The following GRAMD1B variants were observed in gnomAD, a reference collection of about 807,000 sequenced individuals.
GRAMD1B encodes the protein protein Aster-B.
Under a neutral mutation model 99.7 loss-of-function variants are expected in GRAMD1B, and 37 were observed. The ratio of observed to expected loss-of-function variants is 0.37; its 90% CI spans 0.29 to 0.49. The LOEUF is 0.49. Among genes scored for constraint, GRAMD1B ranks in the 20% least tolerant of loss-of-function variants. GRAMD1B has a pLI of 0.98. For synonymous variants in GRAMD1B, 427 were observed against 387.6 expected, an observed-to-expected ratio of 1.10 and a Z score of -1.19; for missense variants, 888 against 1,009.2, an observed-to-expected ratio of 0.88 and a Z score of 1.63.
At chr11:123,548,324 A>ACG (rs1945254805) in intron 2 of GRAMD1B, among the ~76,000 whole-genome samples, 1 of 108,716 alleles carries the variant, frequency 9.2e-6, no homozygotes, top group African/African-American at 4.8e-5. Context: ...ATATATATAT[A>ACG]TACACACACA....
Position 123,610,450 on chromosome 11 carries a change from C to T in GRAMD1B, c.1919+112C>T. ...TGGGGAGTGCTTGGCTGCTGACTCT[C>T]TTTATTCTACTTTCTCTCCGAAGCC... On this transcript the variant is annotated intron_variant, in intron 14 of 19. Transcript: ENST00000635736. The surrounding 1 kb of genome is among the most constrained non-coding windows in gnomAD (Gnocchi z 4.1). 2 of 989,490 alleles carry T rather than the reference C, an allele frequency of 2.0e-6. No homozygotes were observed. The highest frequency in any genetic ancestry group is 3.1e-6 in the Non-Finnish European group (2 of 640,012). The allele number at this position is 989,490 out of a possible 1,614,324, so 61.3% of individuals were successfully genotyped here. A position where few individuals can be genotyped will look rare whatever the true frequency, so the allele number is the denominator to read the frequency against.
chr11:123,447,989 T>G (rs534767776), intron 1 of GRAMD1B, among the ~76,000 whole-genome samples: 17 of 152,260 alleles, frequency 1.1e-4, no homozygotes, highest in South Asian at 2.1e-4. Flanking sequence ...AGTGTTGGCC[T>G]GCTTAAGATT....
chr11:123,587,970 C>T lies in GRAMD1B; in HGVS notation c.684+3638C>T, dbSNP rs1263752709. Among the ~76,000 whole-genome samples the T allele has an allele frequency of 6.6e-6, 1 of 152,036 alleles. No homozygotes were observed. The highest frequency in any genetic ancestry group is 1.5e-5 in the Non-Finnish European group (1 of 68,012). On this transcript the variant is annotated intron_variant, in intron 4 of 19. Transcript: ENST00000635736. This position sits in a 1 kb window ranked among gnomAD's most constrained non-coding sequence, Gnocchi z 4.2. The stretch of plus-strand genomic sequence containing the variant: ...CTTGAAGGGTCTTCCTGCCTCCCTT[C>T]CTGAGTTTTTCAGATGAGCCCCCAG...
At chr11:123,444,093 G>A (rs1949532267) in intron 1 of GRAMD1B, among the ~76,000 whole-genome samples, 1 of 152,312 alleles carries the variant, frequency 6.6e-6, no homozygotes, top group East Asian at 1.9e-4. Context: ...TAGACTTTCA[G>A]TTAATCTCTT....
chr11:123,608,539 C>T lies in GRAMD1B; in HGVS notation c.1514-120C>T, dbSNP rs751139979. On this transcript the variant is annotated intron_variant, in intron 11 of 19. Transcript: ENST00000635736. ...TCAGCTGTCCTGCTCCGTGTCCTCT[C>T]CATACCCTTGTTGACTGTGCTCATA... 14 of 1,544,606 alleles carry T rather than the reference C, an allele frequency of 9.1e-6. No homozygotes were observed. The African/African-American group carries it at 1.9e-4, about 21-fold the overall frequency.
intron 1 of GRAMD1B, among the ~76,000 whole-genome samples, chr11:123,394,209 T>C (rs1378890142): frequency 6.6e-6 from 1 of 152,228 alleles, no homozygotes; most frequent in East Asian, 1.9e-4. Flanking sequence ...GGTCATTCTT[T>C]TGCCTGCTAT....
At chr11:123,373,750 A>C (rs1189852767) in intron 1 of GRAMD1B, among the ~76,000 whole-genome samples, 1 of 152,152 alleles carries the variant, frequency 6.6e-6, no homozygotes, top group Non-Finnish European at 1.5e-5. Flanking sequence ...AGAAAGTGTC[A>C]CCCCTCTGCC....
chr11:123,517,268 A>G (rs2135389054), intron 2 of GRAMD1B, among the ~76,000 whole-genome samples: 1 of 152,352 alleles, frequency 6.6e-6, no homozygotes, highest in Non-Finnish European at 1.5e-5. Context: ...GACCTAACAG[A>G]AAGAGCACAA....
chr11:123,579,923 G>A (rs1949157965), intron 3 of GRAMD1B, among the ~76,000 whole-genome samples: 1 of 152,166 alleles, frequency 6.6e-6, no homozygotes, highest in African/African-American at 2.4e-5. Context: ...GGGCCAAACT[G>A]GGCCTTTTCA....
At chr11:123,514,182 G>T (rs1224219319) in intron 2 of GRAMD1B, among the ~76,000 whole-genome samples, 1 of 152,192 alleles carries the variant, frequency 6.6e-6, no homozygotes, top group Non-Finnish European at 1.5e-5. Flanking sequence ...CAAAATCAGG[G>T]ACGCAAGAAG....
chr11:123,561,272 C>A (rs558466873), intron 2 of GRAMD1B, among the ~76,000 whole-genome samples: 1 of 152,264 alleles, frequency 6.6e-6, no homozygotes, highest in East Asian at 1.9e-4. Context: ...GCTGGCTTCC[C>A]TCCGCAGTGC....
intron 2 of GRAMD1B, chr11:123,560,745 T>A (rs908155742): frequency 2.2e-5 from 10 of 452,370 alleles, no homozygotes; most frequent in African/African-American, 1.8e-4. Context: ...TATCTTTGTT[T>A]CCTCGTGGGA....
At chr11:123,545,440 C>A (rs962646083) in intron 2 of GRAMD1B, among the ~76,000 whole-genome samples, 3 of 152,176 alleles carry the variant, frequency 2.0e-5, no homozygotes, top group Non-Finnish European at 4.4e-5. Flanking sequence ...ATGTGGGGAC[C>A]TAGTCCATCA....
At chr11:123,367,136 G>C (rs1946346567) in intron 1 of GRAMD1B, among the ~76,000 whole-genome samples, 1 of 152,204 alleles carries the variant, frequency 6.6e-6, no homozygotes, top group African/African-American at 2.4e-5. Context: ...CCAAGAGTTT[G>C]AGGTTGCAGT....
chr11:123,515,919 C>T (rs921968483), intron 2 of GRAMD1B, among the ~76,000 whole-genome samples: 2 of 152,114 alleles, frequency 1.3e-5, no homozygotes, highest in African/African-American at 2.4e-5. Flanking sequence ...AGGTGGGCAA[C>T]ACCACGCCGG....
rs1394543968 is a variant in GRAMD1B at position 123,510,444 on chromosome 11, G to T, written c.452+29551G>T. On this transcript the variant is annotated intron_variant, in intron 2 of 19. Coordinates refer to ENST00000635736, the MANE Select transcript of GRAMD1B (RefSeq NM_001387025.1). The surrounding 1 kb of genome is among the most constrained non-coding windows in gnomAD (Gnocchi z 4.3). Reference sequence around the variant, plus strand: ...CCCTGACTCAGCCTCCTGGGAGTCTGTGGAACACAGACAGGAGACAGGGCC... The same window carrying T: ...CCCTGACTCAGCCTCCTGGGAGTCTTTGGAACACAGACAGGAGACAGGGCC... 6.6e-6 allele frequency among the ~76,000 whole-genome samples: 1 copy of T among 152,208 alleles called. No homozygotes were observed. The highest frequency in any genetic ancestry group is 3.2e-3 in the Middle Eastern group (1 of 316).
intron 2 of GRAMD1B, among the ~76,000 whole-genome samples, chr11:123,561,277 C>G (rs1045997519): frequency 1.3e-5 from 2 of 152,174 alleles, no homozygotes; most frequent in African/African-American, 4.8e-5. Flanking sequence ...CTTCCCTCCG[C>G]AGTGCCTCCG....
intron 2 of GRAMD1B, among the ~76,000 whole-genome samples, chr11:123,505,546 C>G (rs1453057709): frequency 6.6e-6 from 1 of 152,178 alleles, no homozygotes; most frequent in Non-Finnish European, 1.5e-5. Flanking sequence ...AACTCTAATC[C>G]CTTTACATAT....
intron 1 of GRAMD1B, among the ~76,000 whole-genome samples, chr11:123,381,171 G>A (rs1946860500): frequency 6.6e-6 from 1 of 152,100 alleles, no homozygotes; most frequent in African/African-American, 2.4e-5. Context: ...CAGCTCTTGG[G>A]TCTGTCTCTA....
Sources: gnomAD v4.1 joint callset for allele counts (sites outside exome capture counted in the v4.1 genomes callset) on GRCh38, gnomAD v4.1.1 for gene constraint, Gnocchi (gnomAD v3.1) non-coding constraint, MANE v1.5 for transcripts, NCBI Gene and HGNC (gene_info 2026-07-23, HGNC 2026-07-21) for gene names.